The following VAV3 variants were observed in gnomAD, a reference collection of about 807,000 sequenced individuals.
VAV3 encodes the protein guanine nucleotide exchange factor VAV3.
VAV3 carries 94 observed loss-of-function variants against 131.2 expected under a neutral mutation model. That is an observed-to-expected ratio of 0.72 (90% CI 0.61 to 0.85). The LOEUF (loss-of-function observed/expected upper bound fraction) is 0.85, where lower values mean the gene tolerates loss of function less well. Ranked by LOEUF, VAV3 falls within the 40% of genes least tolerant of loss-of-function variation. The pLI is 0.00. For missense variants in VAV3, 939 were observed against 1,002.7 expected, an observed-to-expected ratio of 0.94 and a Z score of 0.86; for synonymous variants, 349 against 342.0, an observed-to-expected ratio of 1.02 and a Z score of -0.22.
chr1:107,606,142 A>G (rs1390964866), intron 22 of VAV3, among the ~76,000 whole-genome samples: 2 of 152,140 alleles, frequency 1.3e-5, no homozygotes, highest in Non-Finnish European at 1.5e-5. Flanking sequence ...GTAACACTCT[A>G]AAGTCCCACA....
chr1:107,711,686 T>C (rs764734217), intron 15 of VAV3, among the ~76,000 whole-genome samples: 4 of 152,174 alleles, frequency 2.6e-5, no homozygotes, highest in Non-Finnish European at 5.9e-5. Flanking sequence ...GAGAAATAAA[T>C]GCATTCAATA....
intron 2 of VAV3, among the ~76,000 whole-genome samples, chr1:107,855,265 T>A (rs1669417664): frequency 6.6e-6 from 1 of 152,132 alleles, no homozygotes; most frequent in African/African-American, 2.4e-5. Context: ...TCTCTGGTAT[T>A]TAACTCTATT....
intron 17 of VAV3, among the ~76,000 whole-genome samples, chr1:107,689,084 C>T (rs1256296283): frequency 1.3e-5 from 2 of 152,100 alleles, no homozygotes; most frequent in African/African-American, 4.8e-5. Context: ...TCTTCAAATG[C>T]GTACTATAGT....
At position 107,779,386 on chromosome 1, in the gene VAV3, A is replaced by G. The variant is rs745601610; in HGVS notation, c.380+48T>C. 4 of 1,505,242 alleles carry G rather than the reference A, an allele frequency of 2.7e-6. No homozygotes were observed. The African/African-American group carries it at 4.2e-5, about 16-fold the overall frequency. 93.2% of individuals were successfully genotyped at this position (1,505,242 alleles called of 1,614,324 possible). The stretch of plus-strand genomic sequence containing the variant: ...AATAGTAACCATTTAATAAAGAATC[A>G]TTACACTGAACTCAATGGGACACAT... On this transcript the variant is annotated intron_variant, in intron 3 of 26. Transcript: ENST00000370056.
intron 17 of VAV3, among the ~76,000 whole-genome samples, chr1:107,697,721 G>A (rs2101815007): frequency 6.6e-6 from 1 of 152,194 alleles, no homozygotes; most frequent in South Asian, 2.1e-4. Context: ...TGTGTCTTAA[G>A]TCCATCCGGT....
intron 4 of VAV3, 133 bp downstream of exon 4, chr1:107,777,098 G>T (rs767637777): frequency 1.8e-5 from 14 of 764,476 alleles, no homozygotes; most frequent in African/African-American, 3.5e-5. Flanking sequence ...GCTTTCCATC[G>T]CCAGTTTAAG....
chr1:107,722,956 C>T (rs1372089120), intron 15 of VAV3, among the ~76,000 whole-genome samples: 1 of 149,310 alleles, frequency 6.7e-6, no homozygotes, highest in Non-Finnish European at 1.5e-5. Flanking sequence ...GTTATCTCCT[C>T]TGAGAAGCCT....
chr1:107,678,163 T>C (rs1468930362), intron 19 of VAV3, among the ~76,000 whole-genome samples: 1 of 152,212 alleles, frequency 6.6e-6, no homozygotes, highest in Non-Finnish European at 1.5e-5. Flanking sequence ...TCAGCATTTG[T>C]TCACAGCTTG....
chr1:107,617,704 C>A, intron 20 of VAV3, 72 bp from the exon 21 acceptor site: 1 of 1,323,716 alleles, frequency 7.6e-7, no homozygotes, highest in Non-Finnish European at 1.1e-6. Context: ...ATGCCCCATA[C>A]ATAGCACTGT....
intron 21 of VAV3, among the ~76,000 whole-genome samples, chr1:107,614,216 T>C (rs1178270828): frequency 1.3e-5 from 2 of 152,016 alleles, no homozygotes; most frequent in Admixed American, 1.3e-4. Flanking sequence ...TTGCTAGAAA[T>C]GAAGTTGACC....
chr1:107,603,278 C>T, intron 22 of VAV3, 115 bp from the exon 23 acceptor site: 1 of 734,302 alleles, frequency 1.4e-6, no homozygotes, highest in East Asian at 2.5e-5. Flanking sequence ...GTTGGTAATT[C>T]TATACTAATT....
At chr1:107,892,812 C>A (rs1338831243) in intron 1 of VAV3, among the ~76,000 whole-genome samples, 1 of 152,110 alleles carries the variant, frequency 6.6e-6, no homozygotes, top group East Asian at 1.9e-4. Context: ...CTGAAGAAGA[C>A]AAAGATAACC....
At chr1:107,826,085 C>A (rs545843371) in intron 2 of VAV3, among the ~76,000 whole-genome samples, 2 of 152,110 alleles carry the variant, frequency 1.3e-5, no homozygotes, top group Non-Finnish European at 2.9e-5. Context: ...TCCACTTGTA[C>A]AAGTTTATCT....
chr1:107,748,989 A>C lies in VAV3; in HGVS notation c.1481T>G (p.Leu494Arg). The change falls in exon 15 of 27, where the codon CTA becomes CGA. Residue 494 changes from leucine (L) to arginine (R), a missense_variant. Leu to Arg is a moderately radical substitution (Grantham distance 102). Transcript: ENST00000370056. ...CKTKDLKKKW[L>R]EQFEMALSNI... ...TCACAAAGCCATTTCAAACTGTTCT[A>C]GCCATTTCTTCTTTAAATCTTTTGT... The C allele has an allele frequency of 6.2e-7, 1 of 1,609,506 alleles. No individual in the cohort carries two copies. Among genetic ancestry groups the C allele is most frequent in the South Asian group, 1.1e-5 (1 of 90,250 alleles).
intron 19 of VAV3, among the ~76,000 whole-genome samples, chr1:107,655,725 C>T (rs1191187555): frequency 6.6e-6 from 1 of 152,020 alleles, no homozygotes; most frequent in African/African-American, 2.4e-5. Flanking sequence ...GAATTAATAA[C>T]TAGAATACAG....
chr1:107,825,846 T>C (rs1169919977), intron 2 of VAV3, among the ~76,000 whole-genome samples: 1 of 152,242 alleles, frequency 6.6e-6, no homozygotes, highest in Non-Finnish European at 1.5e-5. Flanking sequence ...CAGGTTATTA[T>C]GTCTGACACT....
chr1:107,932,706 G>A (rs992719350), intron 1 of VAV3, among the ~76,000 whole-genome samples: 2 of 152,178 alleles, frequency 1.3e-5, no homozygotes, highest in Admixed American at 6.5e-5. Flanking sequence ...TTATAAAAAG[G>A]AGGCAGAGTA....
chr1:107,646,695 T>C (rs1655762531), intron 19 of VAV3, among the ~76,000 whole-genome samples: 1 of 152,046 alleles, frequency 6.6e-6, no homozygotes, highest in African/African-American at 2.4e-5. Flanking sequence ...CATTAGTAAT[T>C]GTGCTTGGTC....
chr1:107,820,506 C>T (rs547418884), intron 2 of VAV3, among the ~76,000 whole-genome samples: 2 of 150,216 alleles, frequency 1.3e-5, no homozygotes, highest in Non-Finnish European at 3.0e-5. Context: ...ATAATAGTTA[C>T]AAAAATAGAG....
Sources: allele counts gnomAD v4.1 joint callset (sites outside exome capture counted in the v4.1 genomes callset), GRCh38; gene constraint gnomAD v4.1.1; transcripts MANE v1.5; gene names NCBI Gene and HGNC (gene_info 2026-07-23, HGNC 2026-07-21).